The following PCDH11X variants were observed in gnomAD, a reference collection of about 807,000 sequenced individuals.
PCDH11X encodes the protein protocadherin-11 X-linked.
Under a neutral mutation model 53.3 loss-of-function variants are expected in PCDH11X, and 18 were observed. The ratio of observed to expected loss-of-function variants is 0.34; its 90% CI spans 0.23 to 0.50. The LOEUF (loss-of-function observed/expected upper bound fraction) is 0.50, where lower values mean the gene tolerates loss of function less well. Among genes scored for constraint, PCDH11X ranks in the 20% least tolerant of loss-of-function variants. PCDH11X has a pLI of 0.98. For missense variants in PCDH11X, 570 were observed against 1,032.4 expected, an observed-to-expected ratio of 0.55 and a Z score of 6.14; for synonymous variants, 279 against 393.3, an observed-to-expected ratio of 0.71 and a Z score of 3.44.
At chrX:92,049,566 T>A (rs1310470431) in intron 6 of PCDH11X, among the ~76,000 whole-genome samples, 1 of 111,015 alleles carries the variant, frequency 9.0e-6, no homozygotes, top group Non-Finnish European at 1.9e-5. Context: ...TAAGATTGAA[T>A]TTAGCCTTTG....
rs568104820 is a variant in PCDH11X, at chrX:92,512,392, G to A, written c.3367+44070G>A. Among the ~76,000 whole-genome samples, 21 of 111,429 alleles carry A rather than the reference G, an allele frequency of 1.9e-4. No individual in the cohort carries two copies. The South Asian group carries it at 7.9e-3, about 42-fold the overall frequency. ...ATATTAATACTGGGAACTATTTGGG[G>A]ACATAATATAATGATAATAAATTCA... On this transcript the variant is annotated intron_variant, in intron 10 of 10. Coordinates refer to ENST00000682573, the MANE Select transcript of PCDH11X (RefSeq NM_032968.5).
chrX:91,823,352 G>A (rs1936772536), intron 4 of PCDH11X, among the ~76,000 whole-genome samples: 1 of 110,594 alleles, frequency 9.0e-6, no homozygotes, highest in African/African-American at 3.3e-5. Context: ...ATGAATCTGG[G>A]TGCTCCTGTA....
chrX:92,008,110 G>A (rs1021732311), intron 6 of PCDH11X, among the ~76,000 whole-genome samples: 4 of 111,157 alleles, frequency 3.6e-5, no homozygotes, highest in Non-Finnish European at 1.9e-5. Context: ...GTGCAGCCTG[G>A]GGTTAGGGTA....
intron 6 of PCDH11X, among the ~76,000 whole-genome samples, chrX:92,109,426 T>C (rs969199818): frequency 4.6e-5 from 5 of 109,863 alleles, no homozygotes; most frequent in Non-Finnish European, 9.5e-5. Context: ...AAGTGGGAAG[T>C]ACTGATTGTT....
chrX:91,836,210 T>C (rs775346213), intron 5 of PCDH11X, among the ~76,000 whole-genome samples, 166 bp downstream of exon 5: 2 of 110,381 alleles, frequency 1.8e-5, no homozygotes, highest in South Asian at 7.7e-4. Flanking sequence ...GTTTTTGCAA[T>C]TACAGGTGGA....
intron 6 of PCDH11X, among the ~76,000 whole-genome samples, chrX:92,147,418 T>C (rs1002215513): frequency 2.7e-5 from 3 of 111,782 alleles, no homozygotes; most frequent in African/African-American, 9.8e-5. Flanking sequence ...GTGATCATTC[T>C]AATGTATGTT....
At chrX:92,596,491 C>T (rs2750659) in intron 10 of PCDH11X, among the ~76,000 whole-genome samples, 34,381 of 102,403 alleles carry the variant, frequency 0.34, 6,379 homozygotes, top group African/African-American at 0.6. Flanking sequence ...GCAAATGCCA[C>T]CTACCAAGAT....
chrX:91,851,071 GT>G (rs923184690), intron 5 of PCDH11X, among the ~76,000 whole-genome samples: 2 of 108,104 alleles, frequency 1.9e-5, no homozygotes, highest in Non-Finnish European at 3.8e-5. Context: ...ATCCTATTGT[GT>G]TTTTTTTCTG....
intron 6 of PCDH11X, among the ~76,000 whole-genome samples, chrX:92,187,215 G>C (rs2066113905): frequency 9.0e-6 from 1 of 111,359 alleles, no homozygotes; most frequent in South Asian, 3.8e-4. Context: ...CTCTAGAGGT[G>C]AATCTGTTAT....
At chrX:92,088,036 T>G (rs1377819500) in intron 6 of PCDH11X, among the ~76,000 whole-genome samples, 4 of 106,595 alleles carry the variant, frequency 3.8e-5, no homozygotes, top group Non-Finnish European at 7.7e-5. Flanking sequence ...TTTCGTTATC[T>G]TAAAGTCCCA....
chrX:92,443,452 T>A (rs1335755374), intron 9 of PCDH11X, among the ~76,000 whole-genome samples: 1 of 111,936 alleles, frequency 8.9e-6, no homozygotes, highest in Admixed American at 9.5e-5. Context: ...AGTTTGCAAA[T>A]ATTTTCTCCT....
chrX:91,844,042 A>G (rs1397677886), intron 5 of PCDH11X, among the ~76,000 whole-genome samples: 2 of 111,611 alleles, frequency 1.8e-5, no homozygotes, highest in African/African-American at 6.5e-5. Flanking sequence ...AGTAAAATCT[A>G]TAAAGTTTGC....
At chrX:92,503,966 C>T (rs5942264) in intron 10 of PCDH11X, among the ~76,000 whole-genome samples, 24,117 of 90,237 alleles carry the variant, frequency 0.27, 3,608 homozygotes, top group Non-Finnish European at 0.34. Context: ...TCCACAGTTT[C>T]AGAGCTAAAC....
At chrX:92,569,864 A>G (rs1010291445) in intron 10 of PCDH11X, 4 of 129,775 alleles carry the variant, frequency 3.1e-5, no homozygotes, top group African/African-American at 1.3e-4. Flanking sequence ...AAAAATACAA[A>G]AATTAGCCAT....
chrX:92,167,558 G>A (rs2148270159), intron 6 of PCDH11X, among the ~76,000 whole-genome samples: 1 of 111,659 alleles, frequency 9.0e-6, no homozygotes, highest in African/African-American at 3.2e-5. Flanking sequence ...AATTTTCCGT[G>A]TTGTTTTAGA....
intron 10 of PCDH11X, among the ~76,000 whole-genome samples, chrX:92,485,452 T>C (rs1266280326): frequency 9.0e-6 from 1 of 111,682 alleles, no homozygotes; most frequent in Non-Finnish European, 1.9e-5. Context: ...AATTAGAAGC[T>C]ATCTTTAAGG....
intron 6 of PCDH11X, among the ~76,000 whole-genome samples, chrX:91,908,846 G>GAT (rs1463667853): frequency 6.5e-5 from 7 of 107,059 alleles, no homozygotes; most frequent in African/African-American, 2.0e-4. Flanking sequence ...ATGCTGATGA[G>GAT]GTCGTGAAGA....
At chrX:92,024,829 C>T (rs1436609217) in intron 6 of PCDH11X, among the ~76,000 whole-genome samples, 2 of 106,441 alleles carry the variant, frequency 1.9e-5, no homozygotes, top group African/African-American at 3.4e-5. Context: ...TACTGACATA[C>T]AATGGAATAG....
chrX:91,857,350 G>T (rs1237442900), intron 5 of PCDH11X, among the ~76,000 whole-genome samples: 1 of 111,368 alleles, frequency 9.0e-6, no homozygotes, highest in African/African-American at 3.3e-5. Context: ...AAATTTGGGT[G>T]GGGACACAGC....
Sources: allele counts gnomAD v4.1 joint callset (sites outside exome capture counted in the v4.1 genomes callset), GRCh38; gene constraint gnomAD v4.1.1; transcripts MANE v1.5; gene names NCBI Gene and HGNC (gene_info 2026-07-23, HGNC 2026-07-21).